The following DNAJB14 variants were observed in gnomAD, a reference collection of about 807,000 sequenced individuals.
DNAJB14 encodes the protein dnaJ homolog subfamily B member 14.
A neutral mutation model predicts 48.4 loss-of-function variants in DNAJB14; 22 were observed. The observed-to-expected ratio is 0.45, with a 90% CI of 0.32 to 0.65. The LOEUF (loss-of-function observed/expected upper bound fraction) is 0.65, where lower values mean the gene tolerates loss of function less well. DNAJB14 is among the 30% of genes least tolerant of loss of function. The pLI, the probability that DNAJB14 is intolerant of heterozygous loss-of-function variation, is 0.03. For missense variants in DNAJB14, 319 were observed against 458.8 expected, an observed-to-expected ratio of 0.70 and a Z score of 2.78; for synonymous variants, 142 against 158.7, an observed-to-expected ratio of 0.89 and a Z score of 0.79.
rs1307277079 is a variant in DNAJB14, at chr4:99,899,252, A to C, written c.*1776T>G. 3.3e-5 allele frequency: 5 copies of C among 151,870 alleles called. No individual in the cohort carries two copies. Among genetic ancestry groups the C allele is most frequent in the Non-Finnish European group, 7.4e-5 (5 of 67,802 alleles). 9.4% of individuals were successfully genotyped at this position (151,870 alleles called of 1,614,324 possible). ...TAAAATTAGAAAAATAAATAGATGA[A>C]ATTTTTTTCATTCAAATTTTCATAA... On this transcript the variant is annotated 3_prime_UTR_variant, in exon 8 of 8. Transcript: ENST00000442697.
At chr4:99,923,647 G>T in intron 2 of DNAJB14, 2 of 984,980 alleles carry the variant, frequency 2.0e-6, no homozygotes, top group Non-Finnish European at 2.4e-6. Flanking sequence ...AACTATCAAA[G>T]CAACAGTTTA....
At chr4:99,931,433 T>C (rs1446234377) in intron 1 of DNAJB14, among the ~76,000 whole-genome samples, 1 of 152,100 alleles carries the variant, frequency 6.6e-6, no homozygotes, top group Non-Finnish European at 1.5e-5. Context: ...TTTTCTCCTT[T>C]TGTGTGTGCT....
intron 6 of DNAJB14, among the ~76,000 whole-genome samples, chr4:99,904,281 A>T (rs1312635111): frequency 6.6e-6 from 1 of 152,156 alleles, no homozygotes; most frequent in Non-Finnish European, 1.5e-5. Context: ...TTTCACTGTT[A>T]AATACTTATA....
At chr4:99,941,044 A>T (rs1319047538) in intron 1 of DNAJB14, among the ~76,000 whole-genome samples, 2 of 151,904 alleles carry the variant, frequency 1.3e-5, no homozygotes, top group African/African-American at 4.8e-5. Flanking sequence ...ATTTTCATTT[A>T]GTTATTTATT....
chr4:99,901,282 A>T, intron 7 of DNAJB14, 130 bp from the exon 8 acceptor site: 2 of 887,660 alleles, frequency 2.3e-6, no homozygotes, highest in Non-Finnish European at 3.2e-6. Context: ...ATCAAAGTAC[A>T]ATTCCTAAAA....
intron 3 of DNAJB14, among the ~76,000 whole-genome samples, chr4:99,920,398 TACTACTTGTCAAGCAA>T (rs1312955600): frequency 7.2e-5 from 11 of 152,180 alleles, no homozygotes; most frequent in South Asian, 4.1e-4. Flanking sequence ...CCCATTCCAC[TACTACTTGTCAAGCAA>T]ACACATAAAC....
At chr4:99,930,368 T>C (rs1349394335) in intron 2 of DNAJB14, 82 bp downstream of exon 2, 4 of 1,359,312 alleles carry the variant, frequency 2.9e-6, no homozygotes, top group African/African-American at 1.5e-5. Context: ...TAATGTTATA[T>C]TTCACTTTTT....
intron 6 of DNAJB14, among the ~76,000 whole-genome samples, chr4:99,904,244 G>T (rs1725390915): frequency 6.6e-6 from 1 of 152,046 alleles, no homozygotes; most frequent in Admixed American, 6.6e-5. Flanking sequence ...ATATGCTGGT[G>T]GTTATTTAAA....
chr4:99,928,012 T>C lies in DNAJB14; in HGVS notation c.305+2438A>G, dbSNP rs555398039. 1.4e-4 allele frequency: 22 copies of C among 152,282 alleles called. 2 individuals carry two copies. Among genetic ancestry groups the C allele is most frequent in the Admixed American group, 5.2e-4 (8 of 15,290 alleles). 9.4% of individuals were successfully genotyped at this position (152,282 alleles called of 1,614,324 possible). On this transcript the variant is annotated intron_variant, in intron 2 of 7. Transcript: ENST00000442697. ...TATTTTGAAAACTTGGGGATTCTCT[T>C]AGAGACTGTTCCAATCATATTTAGT...
At chr4:99,911,672 T>C (rs1162975774) in intron 3 of DNAJB14, among the ~76,000 whole-genome samples, 1 of 152,234 alleles carries the variant, frequency 6.6e-6, no homozygotes, top group Non-Finnish European at 1.5e-5. Flanking sequence ...CTGTGCTTAT[T>C]TGCCCTCTGT....
chr4:99,904,014 G>A (rs1331517172), intron 6 of DNAJB14, 116 bp from the exon 7 acceptor site: 2 of 1,073,662 alleles, frequency 1.9e-6, no homozygotes, highest in African/African-American at 1.6e-5. Flanking sequence ...GGTAATACAG[G>A]TTGAGCATCC....
intron 2 of DNAJB14, chr4:99,924,488 T>G: frequency 3.5e-6 from 1 of 283,668 alleles, no homozygotes. Context: ...ATTGTACAAA[T>G]TTACAGAAAT....
Position 99,903,882 on chromosome 4 carries a change from T to C in DNAJB14, c.859A>G (p.Ile287Val). The C allele has an allele frequency of 1.2e-6, 2 of 1,612,202 alleles. No individual in the cohort carries two copies. Among genetic ancestry groups the C allele is most frequent in the Admixed American group, 1.7e-5 (1 of 59,620 alleles). ...CCCAAGTTTTCTGTTTGCATTTTAA[T>C]AGTTTGCCCAGTTCCACTGTAAAAG... ...LYPRSGTGQTIKMQTENLGVV... is the reference protein window; with the variant it reads ...LYPRSGTGQTVKMQTENLGVV... The change falls in exon 7 of 8, where the codon ATT becomes GTT. Residue 287 changes from isoleucine to valine, a missense_variant. By Grantham distance (29) the Ile-to-Val change is conservative. Coordinates refer to ENST00000442697, the MANE Select transcript of DNAJB14 (RefSeq NM_001031723.4).
chr4:99,934,988 A>AT (rs923515930), intron 1 of DNAJB14, among the ~76,000 whole-genome samples: 8 of 151,804 alleles, frequency 5.3e-5, no homozygotes, highest in African/African-American at 1.9e-4. Context: ...AATTTAAAAC[A>AT]TTTTTTTAAA....
rs1375998576 is a variant in DNAJB14 at position 99,946,558 on chromosome 4, C to T, written c.14G>A (p.Arg5Lys). The T allele has an allele frequency of 4.3e-6, 7 of 1,613,668 alleles. No individual in the cohort carries two copies. Among genetic ancestry groups the T allele is most frequent in the Non-Finnish European group, 5.1e-6 (6 of 1,179,770 alleles). Residue 5 changes from arginine to lysine, a missense_variant, in exon 1 of 8, where the codon AGG (arginine) becomes AAG (lysine). Physicochemically the swap from Arg to Lys is conservative, Grantham distance 26 (BLOSUM62 2). Coordinates refer to ENST00000442697, the MANE Select transcript of DNAJB14 (RefSeq NM_001031723.4). ...CTCGACACATTTCTCAGCCTCATCCCTGTTCCCCTCCATAGCTTGCTCCTT... is the reference window on the plus strand; with the variant it reads ...CTCGACACATTTCTCAGCCTCATCCTTGTTCCCCTCCATAGCTTGCTCCTT... MEGN[R>K]DEAEKCVEIA...
At chr4:99,938,909 T>C (rs1045719610) in intron 1 of DNAJB14, among the ~76,000 whole-genome samples, 1 of 152,082 alleles carries the variant, frequency 6.6e-6, no homozygotes, top group Non-Finnish European at 1.5e-5. Context: ...CAATCAAGCA[T>C]TTATCATGAT....
At chr4:99,940,544 T>C (rs910078982) in intron 1 of DNAJB14, among the ~76,000 whole-genome samples, 1 of 152,166 alleles carries the variant, frequency 6.6e-6, no homozygotes, top group Non-Finnish European at 1.5e-5. Context: ...TGAGCTGAGA[T>C]TGTGCCACTG....
rs1006934553 is a variant in DNAJB14, at chr4:99,896,481, A to G, written c.*4547T>C. The G allele has an allele frequency of 9.9e-5, 15 of 152,188 alleles. No homozygotes were observed. Among genetic ancestry groups the G allele is most frequent in the Non-Finnish European group, 2.2e-4 (15 of 68,012 alleles). The allele number at this position is 152,188 out of a possible 1,614,324, so 9.4% of individuals were successfully genotyped here. On this transcript the variant is annotated 3_prime_UTR_variant, in exon 8 of 8. Coordinates refer to ENST00000442697, the MANE Select transcript of DNAJB14 (RefSeq NM_001031723.4). ...TTATAGACAAAGTAAGCTCTCCTTT[A>G]CCAATTTCATTTAACTTATACAAGG...
In DNAJB14 at chr4:99,901,033, C is replaced by T; in HGVS notation, c.1135G>A (p.Gly379Arg). ...GTATAAATAAAAATTCCAGTTCATC[C>T]TCCTTTATAAAGACTGGTAAGCCGC... The part of the protein sequence containing the change: ...LERLTSLYKG[G>R] The change falls in exon 8 of 8, where the codon GGA (glycine) becomes AGA (arginine). Residue 379 changes from glycine (G) to arginine (R), a missense_variant. Physicochemically the swap from Gly to Arg is moderately radical, Grantham distance 125. Coordinates refer to ENST00000442697, the MANE Select transcript of DNAJB14 (RefSeq NM_001031723.4). The T allele has an allele frequency of 1.2e-6, 2 of 1,602,426 alleles. No homozygotes were observed. Among genetic ancestry groups the T allele is most frequent in the Non-Finnish European group, 1.7e-6 (2 of 1,176,746 alleles).
Sources: allele counts gnomAD v4.1 joint callset (sites outside exome capture counted in the v4.1 genomes callset), GRCh38; gene constraint gnomAD v4.1.1; transcripts MANE v1.5; gene names NCBI Gene and HGNC (gene_info 2026-07-23, HGNC 2026-07-21).